PCSK2: variants seen among roughly 807,000 people sequenced by gnomAD.
The protein encoded by PCSK2 is neuroendocrine convertase 2.
PCSK2 carries 14 observed loss-of-function variants against 69.7 expected under a neutral mutation model. That is an observed-to-expected ratio of 0.20 (90% CI 0.13 to 0.31). The LOEUF is 0.31. Among genes scored for constraint, PCSK2 ranks in the 10% least tolerant of loss-of-function variants. PCSK2 has a pLI of 1.00. For synonymous variants in PCSK2, 307 were observed against 320.7 expected (o/e 0.96, Z 0.46); for missense variants, 544 against 842.5 (o/e 0.65, Z 4.39).
chr20:17,342,125 G>A (rs1026935477), intron 2 of PCSK2, among the ~76,000 whole-genome samples: 3 of 152,232 alleles, frequency 2.0e-5, no homozygotes, highest in East Asian at 1.9e-4. Flanking sequence ...AAATGTTCTT[G>A]AGTGATAAGG....
chr20:17,298,396 A>T (rs760227110), intron 2 of PCSK2, among the ~76,000 whole-genome samples: 2 of 152,098 alleles, frequency 1.3e-5, no homozygotes, highest in Non-Finnish European at 2.9e-5. Flanking sequence ...GACAGTCATG[A>T]TTGTCACTGG....
intron 10 of PCSK2, among the ~76,000 whole-genome samples, chr20:17,459,129 G>C (rs1253575101): frequency 6.6e-6 from 1 of 152,140 alleles, no homozygotes; most frequent in East Asian, 1.9e-4. Flanking sequence ...AGCGAGTATA[G>C]TATATAGAAA....
chr20:17,255,127 C>G (rs889575879), intron 1 of PCSK2, among the ~76,000 whole-genome samples: 1 of 152,146 alleles, frequency 6.6e-6, no homozygotes, highest in Non-Finnish European at 1.5e-5. Flanking sequence ...AGTTTTTCTT[C>G]TTTCTTTCCA....
At chr20:17,281,010 A>G (rs958700531) in intron 2 of PCSK2, among the ~76,000 whole-genome samples, 2 of 152,198 alleles carry the variant, frequency 1.3e-5, no homozygotes, top group African/African-American at 4.8e-5. Context: ...ATCTCCCGCC[A>G]TATTTGCCTT....
intron 2 of PCSK2, among the ~76,000 whole-genome samples, chr20:17,311,840 A>T (rs1284284448): frequency 6.6e-6 from 1 of 152,100 alleles, no homozygotes; most frequent in East Asian, 1.9e-4. Flanking sequence ...CCAGGGAATA[A>T]TTCTCTTTCC....
chr20:17,481,466 G>A, intron 11 of PCSK2, 118 bp from the exon 12 acceptor site: 2 of 784,000 alleles, frequency 2.6e-6, no homozygotes, highest in Non-Finnish European at 4.1e-6. Flanking sequence ...ACTAAACCCA[G>A]GTCTGATTGA....
At chr20:17,412,651 C>A (rs1308292664) in intron 6 of PCSK2, among the ~76,000 whole-genome samples, 1 of 152,110 alleles carries the variant, frequency 6.6e-6, no homozygotes, top group Non-Finnish European at 1.5e-5. Flanking sequence ...GCAAGGCAGG[C>A]CAACATTCAG....
chr20:17,401,311 C>A (rs1159773358), intron 5 of PCSK2, among the ~76,000 whole-genome samples: 1 of 152,252 alleles, frequency 6.6e-6, no homozygotes, highest in East Asian at 1.9e-4. Flanking sequence ...ATTCCAAGAC[C>A]AAGGTGCCAG....
At chr20:17,479,438 G>A in intron 11 of PCSK2, 1 of 578,494 alleles carries the variant, frequency 1.7e-6, no homozygotes. Flanking sequence ...CCATGGTAGC[G>A]CCTGTTCTCC....
intron 2 of PCSK2, among the ~76,000 whole-genome samples, chr20:17,338,199 T>C (rs1161509640): frequency 6.6e-6 from 1 of 151,238 alleles, no homozygotes; most frequent in Non-Finnish European, 1.5e-5. Flanking sequence ...TTTTGTTTTT[T>C]GTTTTTTGTT....
At chr20:17,280,601 T>C (rs1219731157) in intron 2 of PCSK2, among the ~76,000 whole-genome samples, 1 of 152,190 alleles carries the variant, frequency 6.6e-6, no homozygotes, top group Non-Finnish European at 1.5e-5. Flanking sequence ...AATAAGAAGG[T>C]AGTTTTGTTC....
intron 2 of PCSK2, among the ~76,000 whole-genome samples, chr20:17,324,300 A>G (rs1161778349): frequency 6.6e-6 from 1 of 152,056 alleles, no homozygotes; most frequent in South Asian, 2.1e-4. Context: ...CCCATCTCCA[A>G]CACCTCTGTA....
In PCSK2 at chr20:17,393,244, A is replaced by G. The variant is rs548310178; in HGVS notation, c.544-16019A>G. Reference sequence around the variant, plus strand: ...TTAGGTCTCGTGTCAAGCTAAGCTAAGATACTTCATTCCTTTTTCTTTTCC... The same window carrying G: ...TTAGGTCTCGTGTCAAGCTAAGCTAGGATACTTCATTCCTTTTTCTTTTCC... On this transcript the variant is annotated intron_variant, in intron 5 of 11. Transcript: ENST00000262545. 3.3e-4 allele frequency among the ~76,000 whole-genome samples: 50 copies of G among 152,300 alleles called. 1 individual carries two copies. The highest frequency in any genetic ancestry group is 1.1e-3 in the African/African-American group (47 of 41,560).
chr20:17,391,724 A>G (rs2031378030), intron 5 of PCSK2, among the ~76,000 whole-genome samples: 1 of 152,040 alleles, frequency 6.6e-6, no homozygotes. Context: ...AACATTAGCT[A>G]TGTATGGTGA....
chr20:17,263,437 C>A (rs1046233020), intron 2 of PCSK2, among the ~76,000 whole-genome samples: 1 of 152,170 alleles, frequency 6.6e-6, no homozygotes, highest in East Asian at 1.9e-4. Context: ...TGCTAAAAAG[C>A]AAAAGTTGTG....
chr20:17,256,167 T>A (rs1231720309), intron 1 of PCSK2, among the ~76,000 whole-genome samples: 1 of 152,186 alleles, frequency 6.6e-6, no homozygotes, highest in Non-Finnish European at 1.5e-5. Context: ...ATTTTTAAAT[T>A]CTGTTATGTA....
chr20:17,338,994 C>T lies in PCSK2; in HGVS notation c.283-19333C>T, dbSNP rs1196893506. Reference sequence around the variant, plus strand: ...TCTTGTTTTTGAAGTGATTTTGTGGCCTCATCAAGGAATCCCGTCTAGTTT... The same window carrying T: ...TCTTGTTTTTGAAGTGATTTTGTGGTCTCATCAAGGAATCCCGTCTAGTTT... On this transcript the variant is annotated intron_variant, in intron 2 of 11. Coordinates refer to ENST00000262545, the MANE Select transcript of PCSK2 (RefSeq NM_002594.5). Among the ~76,000 whole-genome samples, 9 of 152,240 alleles carry T rather than the reference C, an allele frequency of 5.9e-5. No individual in the cohort carries two copies. In the East Asian group the frequency reaches 1.7e-3, roughly 29 times the overall value.
intron 11 of PCSK2, among the ~76,000 whole-genome samples, chr20:17,477,556 G>T (rs1434210391): frequency 2.6e-5 from 4 of 152,046 alleles, no homozygotes; most frequent in African/African-American, 7.2e-5. Flanking sequence ...TGACTGAGAA[G>T]TTTTGATGTG....
intron 2 of PCSK2, among the ~76,000 whole-genome samples, chr20:17,305,210 G>C (rs148283578): frequency 6.6e-6 from 1 of 152,140 alleles, no homozygotes; most frequent in Non-Finnish European, 1.5e-5. Context: ...GGAAACACTC[G>C]TATAAATAAT....
Sources: allele counts gnomAD v4.1 joint callset (sites outside exome capture counted in the v4.1 genomes callset), GRCh38; gene constraint gnomAD v4.1.1; transcripts MANE v1.5; gene names NCBI Gene and HGNC (gene_info 2026-07-23, HGNC 2026-07-21).